The following ABCC6 variants were observed in gnomAD, a reference collection of about 807,000 sequenced individuals.
ABCC6 encodes the protein ATP binding cassette subfamily C member 6.
A neutral mutation model predicts 169.5 loss-of-function variants in ABCC6; 126 were observed. That is an observed-to-expected ratio of 0.74 (90% CI 0.64 to 0.86). The LOEUF is 0.86. Ranked by LOEUF, ABCC6 falls within the 40% of genes least tolerant of loss-of-function variation. The pLI, the probability that ABCC6 is intolerant of heterozygous loss-of-function variation, is 0.00. For synonymous variants in ABCC6, 752 were observed against 814.7 expected (o/e 0.92, Z 1.31); for missense variants, 1,733 against 1,927.2 (o/e 0.90, Z 1.89).
In ABCC6 at chr16:16,214,317, G is replaced by A. The variant is rs944375831; in HGVS notation, c.600+7C>T. The A allele has an allele frequency of 1.2e-5, 18 of 1,550,600 alleles. No individual in the cohort carries two copies. In the African/African-American group the frequency reaches 2.3e-4, roughly 20 times the overall value. On this transcript the variant is annotated splice_region_variant and intron_variant, in intron 5 of 30. Transcript: ENST00000205557. ...AACAGGAATGAGGTTGGAACTTGGT[G>A]ACTTACAGACTGCTGGGGGTCTTCA... is the stretch of plus-strand genomic sequence containing the variant.
chr16:16,159,814 T>C (rs1394659271), intron 25 of ABCC6, among the ~76,000 whole-genome samples: 1 of 152,130 alleles, frequency 6.6e-6, no homozygotes, highest in African/African-American at 2.4e-5. Context: ...AAAGAAGCCC[T>C]CAGACATCAG....
intron 30 of ABCC6, 87 bp from the exon 31 acceptor site, chr16:16,150,328 G>T (rs2046351369): frequency 6.3e-7 from 1 of 1,591,570 alleles, no homozygotes; most frequent in Non-Finnish European, 8.6e-7. Flanking sequence ...CTGCGCTGAG[G>T]TTTTCTCCAT....
rs370027183 is a variant in ABCC6, at chr16:16,182,349, G to A, written c.2247+63C>T. 213 of 1,590,280 alleles carry A rather than the reference G, an allele frequency of 1.3e-4. 2 individuals carry two copies. Among genetic ancestry groups the A allele is most frequent in the East Asian group, 7.6e-4 (34 of 44,736 alleles). ...TCCATCATACTGCCCATGATGAGTC[G>A]GGGACCCAAATGACTCCCAACTGCA... On this transcript the variant is annotated intron_variant, in intron 17 of 30. Coordinates refer to ENST00000205557, the MANE Select transcript of ABCC6 (RefSeq NM_001171.6).
chr16:16,183,133 C>T lies in ABCC6; in HGVS notation c.1944-203G>A, dbSNP rs116785969. Among the ~76,000 whole-genome samples the T allele has an allele frequency of 2.5e-3, 381 of 152,300 alleles. 4 individuals carry two copies. The highest frequency in any genetic ancestry group is 7.9e-3 in the African/African-American group (329 of 41,564). ...TGTGCATGTACACATGCACACAAAGCGTGCACACATGCATGCACATTTGCA... is the reference window on the plus strand; with the variant it reads ...TGTGCATGTACACATGCACACAAAGTGTGCACACATGCATGCACATTTGCA... On this transcript the variant is annotated intron_variant, in intron 15 of 30. Transcript: ENST00000205557.
At chr16:16,168,951 G>A (rs917656368) in intron 22 of ABCC6, among the ~76,000 whole-genome samples, 1 of 152,066 alleles carries the variant, frequency 6.6e-6, no homozygotes, top group Non-Finnish European at 1.5e-5. Context: ...CTGCACACTT[G>A]TAATCCCAGC....
chr16:16,191,258 G>A (rs1195884081), intron 11 of ABCC6, among the ~76,000 whole-genome samples: 1 of 152,136 alleles, frequency 6.6e-6, no homozygotes, highest in East Asian at 1.9e-4. Context: ...TGGGATTACA[G>A]GCGCCCGCCA....
In ABCC6 at chr16:16,165,943, G is replaced by T; in HGVS notation, c.2996-10C>A. 6.2e-7 allele frequency: 1 copy of T among 1,612,336 alleles called. No individual in the cohort carries two copies. The highest frequency in any genetic ancestry group is 8.5e-7 in the Non-Finnish European group (1 of 1,179,748). On this transcript the variant is annotated splice_polypyrimidine_tract_variant and intron_variant, in intron 22 of 30. Transcript: ENST00000205557. The stretch of plus-strand genomic sequence containing the variant: ...GCAAACAGCCCAATGGCTGGGGAGG[G>T]AGAGGAGGTAAGAGCATGAGGGCTG...
chr16:16,160,939 T>C (rs1456714066), intron 25 of ABCC6, among the ~76,000 whole-genome samples: 1 of 151,856 alleles, frequency 6.6e-6, no homozygotes, highest in Non-Finnish European at 1.5e-5. Flanking sequence ...TTACATACTG[T>C]TAATAGTTAA....
intron 17 of ABCC6, among the ~76,000 whole-genome samples, chr16:16,179,571 A>T (rs983525403): frequency 2.6e-5 from 4 of 151,850 alleles, no homozygotes; most frequent in Admixed American, 2.6e-4. Context: ...GTGCACTTCT[A>T]TTATTATTAT....
At chr16:16,180,806 C>G (rs1172166914) in intron 17 of ABCC6, among the ~76,000 whole-genome samples, 1 of 152,056 alleles carries the variant, frequency 6.6e-6, no homozygotes, top group Admixed American at 6.6e-5. Flanking sequence ...TTCATTCTTA[C>G]ATTCAGTCAT....
intron 14 of ABCC6, 46 bp from the exon 15 acceptor site, chr16:16,185,080 G>C: frequency 6.3e-7 from 1 of 1,578,726 alleles, no homozygotes; most frequent in Non-Finnish European, 8.7e-7. Context: ...TGACCTGGCC[G>C]GCCTCTGCAT....
intron 10 of ABCC6, among the ~76,000 whole-genome samples, chr16:16,195,814 C>G (rs2048019095): frequency 2.0e-5 from 3 of 152,186 alleles, no homozygotes; most frequent in African/African-American, 7.2e-5. Flanking sequence ...GGTGAAGACA[C>G]TGGAAAAAGT....
chr16:16,182,678 G>A, intron 16 of ABCC6, 90 bp from the exon 17 acceptor site: 2 of 1,584,576 alleles, frequency 1.3e-6, no homozygotes, highest in Non-Finnish European at 8.6e-7. Context: ...GCTCTCAGTG[G>A]TGGGTGAGAG....
chr16:16,188,329 T>A (rs1294494593), intron 13 of ABCC6, among the ~76,000 whole-genome samples: 1 of 150,762 alleles, frequency 6.6e-6, no homozygotes, highest in African/African-American at 2.4e-5. Flanking sequence ...GAGGTAGATC[T>A]TGCAGTGAGC....
rs63750146 is a variant in ABCC6 at position 16,163,084 on chromosome 16, C to T, written c.3415G>A (p.Ala1139Thr). ...ETFQGSTVVRAFRTQAPFVAQ... is the reference protein window; with the variant it reads ...ETFQGSTVVRTFRTQAPFVAQ... The stretch of plus-strand genomic sequence containing the variant: ...ACAAAGGGGGCCTGGGTTCGGAATG[C>T]CCGGACCACTGTGCTGCCCTGGAAC... The change falls in exon 24 of 31, where the codon GCA (alanine) becomes ACA (threonine). Residue 1139 changes from alanine to threonine, a missense_variant. Physicochemically the swap from Ala to Thr is moderately conservative, Grantham distance 58. Coordinates refer to ENST00000205557, the MANE Select transcript of ABCC6 (RefSeq NM_001171.6). 46 of 1,613,774 alleles carry T rather than the reference C, an allele frequency of 2.9e-5. No individual in the cohort carries two copies. The highest frequency in any genetic ancestry group is 5.9e-6 in the Non-Finnish European group (7 of 1,180,024).
intron 10 of ABCC6, among the ~76,000 whole-genome samples, chr16:16,195,315 T>G: frequency 6.9e-6 from 1 of 145,372 alleles, no homozygotes; most frequent in East Asian, 2.0e-4. Flanking sequence ...TTTTTTTTTT[T>G]TTTTTTTTTT....
chr16:16,183,384 C>T (rs139231735), intron 15 of ABCC6, among the ~76,000 whole-genome samples: 194 of 152,284 alleles, frequency 1.3e-3, no homozygotes, highest in African/African-American at 4.3e-3. Flanking sequence ...CCCTCCCTCC[C>T]GCTACTCTTG....
rs574303164 is a variant in ABCC6, at chr16:16,165,792, T to G, written c.3137A>C (p.Asn1046Thr). ...FERTPIGHLL[N>T]RFSKETDTVD... ...CGTGTCTGTCTCCTTGGAGAAGCGG[T>G]TTAGCAGGTGACCAATGGGTGTCCG... The change falls in exon 23 of 31, where the codon AAC becomes ACC. Residue 1046 changes from asparagine to threonine, a missense_variant. Around this residue, in one of 5 missense-constraint regions of ABCC6, gnomAD observed 1,601 missense variants for 1,635.5 expected, o/e 0.98. Coordinates refer to ENST00000205557, the MANE Select transcript of ABCC6 (RefSeq NM_001171.6). The G allele has an allele frequency of 6.2e-7, 1 of 1,613,612 alleles. No homozygotes were observed. Among genetic ancestry groups the G allele is most frequent in the South Asian group, 1.1e-5 (1 of 91,084 alleles).
chr16:16,159,643 C>T (rs912358510), intron 25 of ABCC6, 60 bp from the exon 26 acceptor site: 89 of 1,511,738 alleles, frequency 5.9e-5, no homozygotes, highest in Non-Finnish European at 7.4e-5. Flanking sequence ...CTTGCAACAG[C>T]CCCCCTGGTT....
Sources: allele counts gnomAD v4.1 joint callset (sites outside exome capture counted in the v4.1 genomes callset), GRCh38; gene constraint gnomAD v4.1.1; regional missense constraint gnomAD v4.1.1; transcripts MANE v1.5; gene names NCBI Gene and HGNC (gene_info 2026-07-23, HGNC 2026-07-21).